The following LRRC37A2 variants were observed in gnomAD, a reference collection of about 807,000 sequenced individuals.
LRRC37A2 encodes leucine-rich repeat-containing protein 37A2.
A neutral mutation model predicts 68.8 loss-of-function variants in LRRC37A2; 9 were observed. The ratio of observed to expected loss-of-function variants is 0.13; its 90% CI spans 0.08 to 0.23. The LOEUF is 0.23. LRRC37A2 is among the 10% of genes least tolerant of loss of function. The pLI, the probability that LRRC37A2 is intolerant of heterozygous loss-of-function variation, is 1.00. For missense variants in LRRC37A2, 168 were observed against 950.4 expected (o/e 0.18, Z 10.82); for synonymous variants, 63 against 367.6 (o/e 0.17, Z 9.48).
At chr17:46,880,338 T>A in the LRRC37A2 span, among the ~76,000 whole-genome samples, 8 of 152,206 alleles carry the variant, frequency 5.3e-5, no homozygotes, top group Non-Finnish European at 1.5e-5. Flanking sequence ...ATGCTTTCTG[T>A]CTCAGGACAC....
At chr17:46,919,879 G>A in the LRRC37A2 span, among the ~76,000 whole-genome samples, 3 of 151,990 alleles carry the variant, frequency 2.0e-5, no homozygotes, top group South Asian at 2.1e-4. Context: ...CCCAGGAGGC[G>A]GAGGTTGCAG....
At chr17:46,989,680 GGGACAAC>G in the LRRC37A2 span, among the ~76,000 whole-genome samples, 1 of 123,598 alleles carries the variant, frequency 8.1e-6, no homozygotes, top group East Asian at 2.7e-4. Flanking sequence ...TTTGGCCAGT[GGGACAAC>G]TGAAAGCGTA....
the LRRC37A2 span, chr17:47,028,270 T>C: frequency 6.1e-6 from 9 of 1,475,672 alleles, no homozygotes; most frequent in Admixed American, 1.8e-5. Flanking sequence ...TGTGTCTTTT[T>C]TTTTTTTAGA....
At chr17:46,772,429 T>G in the LRRC37A2 span, among the ~76,000 whole-genome samples, 23 of 152,256 alleles carry the variant, frequency 1.5e-4, no homozygotes, top group African/African-American at 5.5e-4. Flanking sequence ...GACTCGCTTT[T>G]GGGGAGCGCG....
At chr17:46,951,162 C>T in the LRRC37A2 span, among the ~76,000 whole-genome samples, 2 of 152,178 alleles carry the variant, frequency 1.3e-5, no homozygotes, top group South Asian at 2.1e-4. Flanking sequence ...AACTGGCACA[C>T]GCACTGCCAG....
chr17:46,974,257 G>C, the LRRC37A2 span, among the ~76,000 whole-genome samples: 1 of 152,216 alleles, frequency 6.6e-6, no homozygotes, highest in Non-Finnish European at 1.5e-5. Flanking sequence ...CCAGACGCTA[G>C]GTCTGCCATC....
At chr17:46,498,276 A>G in the LRRC37A2 span, among the ~76,000 whole-genome samples, 1 of 148,400 alleles carries the variant, frequency 6.7e-6, no homozygotes, top group Non-Finnish European at 1.5e-5. Context: ...CCTCTTTTCT[A>G]AACTCCAGAT....
the LRRC37A2 span, among the ~76,000 whole-genome samples, chr17:46,970,689 C>T: frequency 5.3e-5 from 8 of 152,108 alleles, no homozygotes; most frequent in African/African-American, 9.7e-5. Flanking sequence ...CTCACGTGGA[C>T]GGGGGCTCAG....
the LRRC37A2 span, among the ~76,000 whole-genome samples, chr17:46,919,782 A>G: frequency 6.6e-6 from 1 of 152,060 alleles, no homozygotes; most frequent in Non-Finnish European, 1.5e-5. Flanking sequence ...CCCTGTCTCT[A>G]CTAAAAATAC....
chr17:46,720,159 G>A, the LRRC37A2 span, among the ~76,000 whole-genome samples: 6 of 152,138 alleles, frequency 3.9e-5, no homozygotes, highest in African/African-American at 1.4e-4. Context: ...GGATGTTTTT[G>A]GTTAACATCC....
chr17:46,516,718 ATTATT>A (rs1263295820), intron 2 of LRRC37A2: 2 of 164,990 alleles, frequency 1.2e-5, no homozygotes, highest in African/African-American at 5.1e-5. Context: ...AAACAGGAAG[ATTATT>A]TTATTTTGTT....
At chr17:46,920,403 A>G in the LRRC37A2 span, among the ~76,000 whole-genome samples, 1 of 152,206 alleles carries the variant, frequency 6.6e-6, no homozygotes, top group Non-Finnish European at 1.5e-5. Flanking sequence ...TGCATGGTAC[A>G]TTGTAGATGC....
chr17:46,923,564 G>T, the LRRC37A2 span: 1 of 1,318,134 alleles, frequency 7.6e-7, no homozygotes. Flanking sequence ...GGTAGACCTC[G>T]AGAGGAGACA....
chr17:46,490,405 A>C, the LRRC37A2 span, among the ~76,000 whole-genome samples: 1 of 151,120 alleles, frequency 6.6e-6, no homozygotes, highest in Non-Finnish European at 1.5e-5. Flanking sequence ...TTTCATAAAT[A>C]ATGCTTCTGG....
At chr17:46,733,480 G>A in the LRRC37A2 span, among the ~76,000 whole-genome samples, 1 of 152,178 alleles carries the variant, frequency 6.6e-6, no homozygotes, top group African/African-American at 2.4e-5. Flanking sequence ...TTAATGCTGG[G>A]TTTGACACTT....
chr17:46,852,389 AGTGTGTGTGTGTGTGTGTGTGTGT>A, the LRRC37A2 span, among the ~76,000 whole-genome samples: 5 of 105,322 alleles, frequency 4.7e-5, no homozygotes, highest in Admixed American at 2.8e-4. Flanking sequence ...GAGAGGGCCC[AGTGTGTGTGTGTGTGTGTGTGTGT>A]GTGTGTGTGT....
chr17:47,000,080 A>AAAT, the LRRC37A2 span, among the ~76,000 whole-genome samples: 53 of 8,918 alleles, frequency 5.9e-3, 3 homozygotes, highest in Admixed American at 9.3e-3. Context: ...AAAATAAAAA[A>AAAT]TAAAATAAAA....
At chr17:47,032,797 C>T in the LRRC37A2 span, among the ~76,000 whole-genome samples, 631 of 152,268 alleles carry the variant, frequency 4.1e-3, 4 homozygotes, top group Middle Eastern at 6.8e-3. Flanking sequence ...ACTCAAGTCA[C>T]TTCACCAGAA....
the LRRC37A2 span, among the ~76,000 whole-genome samples, chr17:46,388,394 CA>C: frequency 0.019 from 857 of 44,564 alleles, 36 homozygotes; most frequent in Middle Eastern, 0.17. Flanking sequence ...ACTAAAAATA[CA>C]AAAAAAAAAA....
Sources: gnomAD v4.1 joint callset for allele counts (sites outside exome capture counted in the v4.1 genomes callset) on GRCh38, gnomAD v4.1.1 for gene constraint, MANE v1.5 for transcripts, NCBI Gene and HGNC (gene_info 2026-07-23, HGNC 2026-07-21) for gene names.